The following HERC1 variants were observed in gnomAD, a reference collection of about 807,000 sequenced individuals.
HERC1 encodes the protein HECT and RLD domain containing E3 ubiquitin protein ligase family member 1, also known as probable E3 ubiquitin-protein ligase HERC1.
In HERC1, 160 loss-of-function variants were observed where a neutral mutation model predicts 554.3. The ratio of observed to expected loss-of-function variants is 0.29; its 90% CI spans 0.25 to 0.33. The LOEUF is 0.33. Ranked by LOEUF, HERC1 falls within the 10% of genes least tolerant of loss-of-function variation. The probability of loss-of-function intolerance (pLI) is 1.00; values close to 1 mark genes in which losing one functional copy is unlikely to be tolerated. For missense variants in HERC1, 4,919 were observed against 5,918.5 expected (o/e 0.83, Z 5.54); for synonymous variants, 2,175 against 2,131.7 (o/e 1.02, Z -0.56).
intron 12 of HERC1, among the ~76,000 whole-genome samples, chr15:63,739,541 C>G (rs1439927113): frequency 6.6e-6 from 1 of 151,526 alleles, no homozygotes; most frequent in Non-Finnish European, 1.5e-5. Context: ...ACATTACATA[C>G]AAATGGAGTT....
chr15:63,757,317 T>G (rs943759701), intron 4 of HERC1, among the ~76,000 whole-genome samples: 25 of 141,012 alleles, frequency 1.8e-4, no homozygotes, highest in African/African-American at 6.1e-4. Context: ...TGGGCTAGAG[T>G]GCAGTGGTGC....
intron 67 of HERC1, among the ~76,000 whole-genome samples, chr15:63,633,480 A>G (rs2068653567): frequency 6.6e-6 from 1 of 152,192 alleles, no homozygotes; most frequent in Non-Finnish European, 1.5e-5. Context: ...TTCAGTGGTA[A>G]TAATAAGCAG....
intron 24 of HERC1, among the ~76,000 whole-genome samples, chr15:63,710,788 T>C (rs989198110): frequency 6.6e-6 from 1 of 152,200 alleles, no homozygotes; most frequent in Non-Finnish European, 1.5e-5. Flanking sequence ...GGCAATAGCA[T>C]TCCAGTCCTA....
rs2068765132 is a variant in HERC1, at chr15:63,636,051, A to G, written c.12324T>C (p.Asp4108=). The change falls in exon 65 of 78, where the codon GAT becomes GAC. Residue 4108 remains aspartate, a synonymous_variant. Coordinates refer to ENST00000443617, the MANE Select transcript of HERC1 (RefSeq NM_003922.4). ...TESGEVFSWG[D]GDYGKLGHGN... ...CATGGCCAAGTTTACCATAGTCACC[A>G]TCTCCCCAGCTAAAGACCTCACCAC... is the stretch of plus-strand genomic sequence containing the variant. 6.2e-7 allele frequency: 1 copy of G among 1,613,704 alleles called. No homozygotes were observed. Among genetic ancestry groups the G allele is most frequent in the Admixed American group, 1.7e-5 (1 of 59,976 alleles).
chr15:63,751,476 T>C (rs1020296565), intron 8 of HERC1, among the ~76,000 whole-genome samples: 1 of 152,188 alleles, frequency 6.6e-6, no homozygotes, highest in Non-Finnish European at 1.5e-5. Context: ...ACTGTAATAC[T>C]GTCACTCAGT....
chr15:63,713,611 T>A lies in HERC1; in HGVS notation c.4205A>T (p.Asp1402Val). ...AGACCCTGCCCCACTGTTCATTCTA[T>A]CTCGGTCTCGGCTACGAGCTACTTC... ...AREVARSRDR[D>V]RMNSGAGSGA... Residue 1402 changes from aspartate (D) to valine (V), a missense_variant, in exon 23 of 78, where the codon GAT (aspartate) becomes GTT (valine). Physicochemically the swap from Asp to Val is radical, Grantham distance 152. Coordinates refer to ENST00000443617, the MANE Select transcript of HERC1 (RefSeq NM_003922.4). The A allele has an allele frequency of 8.7e-6, 14 of 1,613,358 alleles. No homozygotes were observed. Among genetic ancestry groups the A allele is most frequent in the Non-Finnish European group, 1.2e-5 (14 of 1,179,672 alleles).
intron 12 of HERC1, among the ~76,000 whole-genome samples, chr15:63,744,259 C>G (rs1016293528): frequency 6.6e-6 from 1 of 151,882 alleles, no homozygotes; most frequent in African/African-American, 2.4e-5. Context: ...TGGCCAACAC[C>G]ACTATGACTG....
intron 1 of HERC1, among the ~76,000 whole-genome samples, chr15:63,827,273 T>C (rs1163230843): frequency 1.3e-5 from 2 of 151,984 alleles, no homozygotes; most frequent in African/African-American, 2.4e-5. Flanking sequence ...AATCAACAAA[T>C]TAGCCAGGTA....
Position 63,713,478 on chromosome 15 carries a change from G to A in HERC1, c.4338C>T (p.Ile1446=). The change falls in exon 23 of 78, where the codon ATC becomes ATT. Residue 1446 remains isoleucine, a synonymous_variant. Coordinates refer to ENST00000443617, the MANE Select transcript of HERC1 (RefSeq NM_003922.4). ...DVYTAACNSV[I]HRCALLILGV... ...CTAATATTAACAGGGCACACCGATG[G>A]ATCACGGAGTTGCATGCAGCAGTGT... 1 of 1,613,962 alleles carries A rather than the reference G, an allele frequency of 6.2e-7. No individual in the cohort carries two copies. Among genetic ancestry groups the A allele is most frequent in the Non-Finnish European group, 8.5e-7 (1 of 1,179,884 alleles).
chr15:63,715,343 CTA>C (rs1303669899), intron 22 of HERC1, among the ~76,000 whole-genome samples: 1 of 152,202 alleles, frequency 6.6e-6, no homozygotes, highest in South Asian at 2.1e-4. Context: ...TTATACTTTA[CTA>C]TATTTTCACC....
intron 55 of HERC1, among the ~76,000 whole-genome samples, chr15:63,647,850 T>C (rs1376622573): frequency 6.6e-6 from 1 of 152,164 alleles, no homozygotes; most frequent in Non-Finnish European, 1.5e-5. Flanking sequence ...GGAACTCACG[T>C]GTACACACGG....
chr15:63,667,877 T>C (rs955135206), intron 40 of HERC1, among the ~76,000 whole-genome samples: 1 of 152,166 alleles, frequency 6.6e-6, no homozygotes, highest in Non-Finnish European at 1.5e-5. Context: ...TCCCTCCTTT[T>C]CCTAGCCTAC....
intron 60 of HERC1, 59 bp downstream of exon 60, chr15:63,641,411 A>G (rs2069057354): frequency 7.0e-7 from 1 of 1,435,860 alleles, no homozygotes; most frequent in African/African-American, 1.4e-5. Context: ...TCAAGGCTAT[A>G]ATCACATTCC....
chr15:63,793,117 T>C (rs2076702542), intron 1 of HERC1, among the ~76,000 whole-genome samples: 2 of 152,230 alleles, frequency 1.3e-5, no homozygotes. Flanking sequence ...GATGCCACCC[T>C]CCAGGAACTG....
intron 1 of HERC1, among the ~76,000 whole-genome samples, chr15:63,802,416 C>T (rs1428458493): frequency 2.0e-5 from 3 of 152,214 alleles, no homozygotes; most frequent in African/African-American, 7.2e-5. Context: ...TGGAAACAGA[C>T]GTGCCTATTC....
chr15:63,801,369 G>A (rs889011844), intron 1 of HERC1, among the ~76,000 whole-genome samples: 3 of 152,172 alleles, frequency 2.0e-5, no homozygotes, highest in African/African-American at 7.2e-5. Context: ...CCTTAAACCT[G>A]TGTAGTCTGA....
chr15:63,662,824 G>A (rs1264332449), intron 44 of HERC1, among the ~76,000 whole-genome samples, 160 bp downstream of exon 44: 1 of 150,612 alleles, frequency 6.6e-6, no homozygotes, highest in East Asian at 1.9e-4. Flanking sequence ...TTAGTTTGTA[G>A]GTATCAAAGT....
chr15:63,755,099 C>G (rs1000507694), intron 6 of HERC1, 130 bp downstream of exon 6: 1 of 653,138 alleles, frequency 1.5e-6, no homozygotes, highest in Non-Finnish European at 2.7e-6. Context: ...ATAAAATTAT[C>G]TTCCTCTGAG....
intron 1 of HERC1, among the ~76,000 whole-genome samples, chr15:63,798,438 T>C (rs1225546423): frequency 2.0e-5 from 3 of 151,832 alleles, no homozygotes; most frequent in African/African-American, 7.3e-5. Context: ...CTTAAGAAAA[T>C]CTTACAAGTT....
Sources: allele counts gnomAD v4.1 joint callset (sites outside exome capture counted in the v4.1 genomes callset), GRCh38; gene constraint gnomAD v4.1.1; transcripts MANE v1.5; gene names NCBI Gene and HGNC (gene_info 2026-07-23, HGNC 2026-07-21).